TBC1D4: variants seen among roughly 807,000 people sequenced by gnomAD.
TBC1D4 encodes the protein TBC1 domain family member 4, also known as TBC (Tre-2, BUB2, CDC16) domain-containing protein.
A neutral mutation model predicts 142.5 loss-of-function variants in TBC1D4; 121 were observed. The observed-to-expected ratio is 0.85, with a 90% CI of 0.73 to 0.99. TBC1D4 has a LOEUF of 0.99. Among genes scored for constraint, TBC1D4 ranks in the 50% least tolerant of loss-of-function variants. The pLI is 0.00. For synonymous variants in TBC1D4, 630 were observed against 628.2 expected, an observed-to-expected ratio of 1.00 and a Z score of -0.04; for missense variants, 1,475 against 1,606.6, an observed-to-expected ratio of 0.92 and a Z score of 1.40.
intron 4 of TBC1D4, among the ~76,000 whole-genome samples, chr13:75,353,235 A>G (rs573166971): frequency 4.5e-4 from 69 of 152,318 alleles, no homozygotes; most frequent in African/African-American, 1.7e-3. Flanking sequence ...CTCATTCTAC[A>G]TGCATGAGGG....
At chr13:75,450,285 T>C (rs1444211175) in intron 1 of TBC1D4, among the ~76,000 whole-genome samples, 1 of 152,194 alleles carries the variant, frequency 6.6e-6, no homozygotes, top group Non-Finnish European at 1.5e-5. Context: ...GAATTTCCGT[T>C]TTCCTCCAGA....
rs573658020 is a variant in TBC1D4, at chr13:75,375,748, A to G, written c.499-13141T>C. 2.9e-5 allele frequency: 4 copies of G among 138,772 alleles called. No individual in the cohort carries two copies. In the East Asian group the frequency reaches 8.2e-4, roughly 29 times the overall value. 8.6% of individuals were successfully genotyped at this position (138,772 alleles called of 1,614,324 possible). ...TAATAATAAGAAAAAGAAATAGAGG[A>G]CATTCCCCTACTGCCCCACCCCCCC... On this transcript the variant is annotated intron_variant, in intron 1 of 20. Transcript: ENST00000377636.
intron 1 of TBC1D4, among the ~76,000 whole-genome samples, chr13:75,393,595 T>C (rs536868725): frequency 1.2e-4 from 18 of 152,214 alleles, no homozygotes; most frequent in South Asian, 6.2e-4. Context: ...CCTGAGAAAT[T>C]TGTAGGTTCC....
chr13:75,328,308 A>G lies in TBC1D4; in HGVS notation c.1732-482T>C, dbSNP rs547061397. 2.0e-5 allele frequency among the ~76,000 whole-genome samples: 3 copies of G among 152,372 alleles called. No individual in the cohort carries two copies. The East Asian group carries it at 5.8e-4, about 29-fold the overall frequency. ...ACATTCTAAAATTTATCGGTTTTGC[A>G]TCATTCATTATTCCATAATGCCAAA... On this transcript the variant is annotated intron_variant, in intron 8 of 20. Coordinates refer to ENST00000377636, the MANE Select transcript of TBC1D4 (RefSeq NM_014832.5).
At chr13:75,314,038 A>G (rs923355283) in intron 12 of TBC1D4, among the ~76,000 whole-genome samples, 4 of 152,090 alleles carry the variant, frequency 2.6e-5, no homozygotes, top group Non-Finnish European at 4.4e-5. Flanking sequence ...ATGCTCCTCT[A>G]TTGTCAAAAT....
intron 1 of TBC1D4, among the ~76,000 whole-genome samples, chr13:75,435,512 T>C (rs1048638616): frequency 6.6e-6 from 1 of 152,200 alleles, no homozygotes; most frequent in African/African-American, 2.4e-5. Context: ...GATATTGAAA[T>C]GCTAAGACAA....
intron 1 of TBC1D4, among the ~76,000 whole-genome samples, chr13:75,409,004 C>T (rs904230406): frequency 2.0e-5 from 3 of 150,826 alleles, no homozygotes; most frequent in Non-Finnish European, 4.4e-5. Context: ...CAAGTTCCCT[C>T]TGATATATGA....
At chr13:75,434,271 A>G (rs74366919) in intron 1 of TBC1D4, among the ~76,000 whole-genome samples, 6,077 of 152,318 alleles carry the variant, frequency 0.04, 153 homozygotes, top group Non-Finnish European at 0.049. Context: ...ATGCCCATCA[A>G]TGACAGACTG....
chr13:75,292,369 G>T, intron 18 of TBC1D4, 98 bp from the exon 19 acceptor site: 1 of 1,064,222 alleles, frequency 9.4e-7, no homozygotes, highest in Non-Finnish European at 1.4e-6. Context: ...CTTGTTTTAT[G>T]TATTTTGCAG....
chr13:75,436,663 A>AC (rs1886813113), intron 1 of TBC1D4, among the ~76,000 whole-genome samples: 1 of 151,950 alleles, frequency 6.6e-6, no homozygotes. Context: ...TCTCCAAAAA[A>AC]AAAAAACAAA....
chr13:75,461,562 C>A (rs1887966578), intron 1 of TBC1D4, among the ~76,000 whole-genome samples: 1 of 152,178 alleles, frequency 6.6e-6, no homozygotes. Flanking sequence ...CATGAAGCCA[C>A]TGAAAGCAAT....
intron 18 of TBC1D4, 83 bp from the exon 19 acceptor site, chr13:75,292,354 G>T: frequency 8.2e-7 from 1 of 1,223,158 alleles, no homozygotes; most frequent in Non-Finnish European, 1.1e-6. Context: ...AAAGGTTTTT[G>T]TTTACTTGTT....
intron 1 of TBC1D4, among the ~76,000 whole-genome samples, chr13:75,416,841 G>C (rs1885940463): frequency 6.6e-6 from 1 of 152,180 alleles, no homozygotes; most frequent in Non-Finnish European, 1.5e-5. Flanking sequence ...CAAGGGCAGG[G>C]TGGGCTTCCT....
At chr13:75,292,724 TAAA>T (rs11292930) in intron 18 of TBC1D4, among the ~76,000 whole-genome samples, 1 of 141,288 alleles carries the variant, frequency 7.1e-6, no homozygotes, top group African/African-American at 2.5e-5. Flanking sequence ...ACCAGGAAAT[TAAA>T]AAAAAAAAAA....
At chr13:75,419,038 TATTA>T (rs1196074776) in intron 1 of TBC1D4, among the ~76,000 whole-genome samples, 5 of 152,122 alleles carry the variant, frequency 3.3e-5, no homozygotes, top group Non-Finnish European at 2.9e-5. Context: ...TTTGTGTAAC[TATTA>T]ATTGTTTTAC....
In TBC1D4 at chr13:75,418,861, A is replaced by C. The variant is rs529127971; in HGVS notation, c.499-56254T>G. On this transcript the variant is annotated intron_variant, in intron 1 of 20. Coordinates refer to ENST00000377636, the MANE Select transcript of TBC1D4 (RefSeq NM_014832.5). Reference sequence around the variant, plus strand: ...GCTGCAACCTCCGCAAAATAAACACACATATACCCTGTTACTATCATAGCA... The same window carrying C: ...GCTGCAACCTCCGCAAAATAAACACCCATATACCCTGTTACTATCATAGCA... Among the ~76,000 whole-genome samples the C allele has an allele frequency of 2.0e-5, 3 of 152,278 alleles. No homozygotes were observed. In the South Asian group the frequency reaches 6.2e-4, roughly 32 times the overall value.
At chr13:75,341,724 A>G in intron 5 of TBC1D4, 137 bp from the exon 6 acceptor site, 1 of 723,984 alleles carries the variant, frequency 1.4e-6, no homozygotes, top group African/African-American at 1.7e-5. Flanking sequence ...TCCTGCCTAC[A>G]AGAAACCTTG....
chr13:75,349,084 A>C, intron 5 of TBC1D4, 86 bp downstream of exon 5: 2 of 1,600,572 alleles, frequency 1.2e-6, no homozygotes, highest in Non-Finnish European at 1.7e-6. Flanking sequence ...ATCGAAACAA[A>C]GAACTATTCA....
At chr13:75,442,048 A>T (rs1421242881) in intron 1 of TBC1D4, among the ~76,000 whole-genome samples, 1 of 152,214 alleles carries the variant, frequency 6.6e-6, no homozygotes, top group Non-Finnish European at 1.5e-5. Flanking sequence ...CTACTCAAAT[A>T]ATGGTTTCAG....
Sources: gnomAD v4.1 joint callset for allele counts (sites outside exome capture counted in the v4.1 genomes callset) on GRCh38, gnomAD v4.1.1 for gene constraint, MANE v1.5 for transcripts, NCBI Gene and HGNC (gene_info 2026-07-23, HGNC 2026-07-21) for gene names.